Variants in FNIP1 observed in about 807,000 individuals in gnomAD.
The protein encoded by FNIP1 is folliculin-interacting protein 1.
A neutral mutation model predicts 124.5 loss-of-function variants in FNIP1; 40 were observed. That is an observed-to-expected ratio of 0.32 (90% CI 0.25 to 0.42). The LOEUF (loss-of-function observed/expected upper bound fraction) is 0.42, where lower values mean the gene tolerates loss of function less well. FNIP1 is among the 10% of genes least tolerant of loss of function. The pLI is 1.00. For synonymous variants in FNIP1, 472 were observed against 470.6 expected, an observed-to-expected ratio of 1.00 and a Z score of -0.04; for missense variants, 1,176 against 1,403.7, an observed-to-expected ratio of 0.84 and a Z score of 2.59.
chr5:131,733,937 C>A (rs1303524115), intron 2 of FNIP1, among the ~76,000 whole-genome samples: 1 of 152,206 alleles, frequency 6.6e-6, no homozygotes, highest in South Asian at 2.1e-4. Context: ...TGGTAGAATT[C>A]GGCTGTGAAT....
chr5:131,652,450 G>T lies in FNIP1; in HGVS notation c.3109-451C>A, dbSNP rs189245402. 4.8e-3 allele frequency among the ~76,000 whole-genome samples: 727 copies of T among 152,264 alleles called. 5 individuals are homozygous for T. Among genetic ancestry groups the T allele is most frequent in the African/African-American group, 0.017 (690 of 41,546 alleles). Reference sequence around the variant, plus strand: ...GCTCACTGCAACCTCCGCCTCCCAGGTTCAAGCCATTCCCCTGCCTCAGCC... The same window carrying T: ...GCTCACTGCAACCTCCGCCTCCCAGTTTCAAGCCATTCCCCTGCCTCAGCC... On this transcript the variant is annotated intron_variant, in intron 15 of 17. Coordinates refer to ENST00000510461, the MANE Select transcript of FNIP1 (RefSeq NM_133372.3).
At chr5:131,779,883 T>C (rs1159019851) in intron 1 of FNIP1, among the ~76,000 whole-genome samples, 1 of 151,930 alleles carries the variant, frequency 6.6e-6, no homozygotes, top group African/African-American at 2.4e-5. Context: ...GCTCTTTACA[T>C]TTTTGTTAGA....
chr5:131,697,154 G>C (rs1414808824), intron 11 of FNIP1, among the ~76,000 whole-genome samples: 1 of 151,966 alleles, frequency 6.6e-6, no homozygotes, highest in Non-Finnish European at 1.5e-5. Context: ...CAATCTAGAA[G>C]ATCCCTGCCC....
At chr5:131,773,570 T>C (rs1048904857) in intron 1 of FNIP1, among the ~76,000 whole-genome samples, 2 of 152,246 alleles carry the variant, frequency 1.3e-5, no homozygotes, top group East Asian at 1.9e-4. Flanking sequence ...ATAGGAATCA[T>C]AGATAGTTTC....
At chr5:131,655,744 TA>T (rs1384798855) in intron 15 of FNIP1, among the ~76,000 whole-genome samples, 1 of 81,728 alleles carries the variant, frequency 1.2e-5, no homozygotes, top group Non-Finnish European at 2.6e-5. Context: ...TCGTCTCTAC[TA>T]AAAATACAAA....
intron 11 of FNIP1, among the ~76,000 whole-genome samples, chr5:131,692,490 A>G (rs1229572395): frequency 6.6e-6 from 1 of 152,210 alleles, no homozygotes; most frequent in Non-Finnish European, 1.5e-5. Flanking sequence ...AAGTTGATCC[A>G]TAGATTCAAC....
intron 1 of FNIP1, among the ~76,000 whole-genome samples, chr5:131,763,969 C>CTA (rs1387423244): frequency 6.6e-6 from 1 of 152,094 alleles, no homozygotes; most frequent in Non-Finnish European, 1.5e-5. Flanking sequence ...AGGGAGGTGA[C>CTA]TGGATGATGG....
intron 1 of FNIP1, among the ~76,000 whole-genome samples, chr5:131,753,143 G>A (rs947819052): frequency 2.0e-5 from 3 of 152,002 alleles, no homozygotes; most frequent in Admixed American, 6.6e-5. Context: ...AAACTGACAC[G>A]ACTAATAACA....
intron 3 of FNIP1, among the ~76,000 whole-genome samples, chr5:131,724,209 C>T (rs1477576948): frequency 6.6e-6 from 1 of 152,070 alleles, no homozygotes; most frequent in East Asian, 1.9e-4. Context: ...ATTTATAATC[C>T]TTTGGGTACA....
At chr5:131,681,873 A>G (rs1432457895) in intron 11 of FNIP1, among the ~76,000 whole-genome samples, 1 of 152,078 alleles carries the variant, frequency 6.6e-6, no homozygotes, top group East Asian at 1.9e-4. Context: ...TACTGAGACC[A>G]TAAAGGACCA....
intron 3 of FNIP1, among the ~76,000 whole-genome samples, chr5:131,720,307 A>G (rs1195826131): frequency 6.6e-6 from 1 of 152,230 alleles, no homozygotes; most frequent in Non-Finnish European, 1.5e-5. Flanking sequence ...ATGCGAAAGA[A>G]TAAAACTGGT....
In FNIP1 at chr5:131,677,840, G is replaced by C. The variant is rs925395783; in HGVS notation, c.1382C>G (p.Thr461Ser). The change falls in exon 13 of 18, where the codon ACC becomes AGC. Residue 461 changes from threonine to serine, a missense_variant. Coordinates refer to ENST00000510461, the MANE Select transcript of FNIP1 (RefSeq NM_133372.3). ...FLPALITAVL[T>S]NHLAWVPTVM... ...TGTTGGAACCCAGGCAAGATGATTG[G>C]TCAGAACTGCAGTAATGAGAGCTGG... The C allele has an allele frequency of 1.9e-5, 31 of 1,614,042 alleles. No individual in the cohort carries two copies. The highest frequency in any genetic ancestry group is 2.5e-5 in the Non-Finnish European group (29 of 1,179,962).
chr5:131,785,400 C>T (rs1186939719), intron 1 of FNIP1, among the ~76,000 whole-genome samples: 1 of 151,450 alleles, frequency 6.6e-6, no homozygotes, highest in Non-Finnish European at 1.5e-5. Context: ...ACTAAAAATA[C>T]AAAAATTGGC....
rs763829424 is a variant in FNIP1, at chr5:131,796,849, C to T, written c.73G>A (p.Asp25Asn). The change falls in exon 1 of 18, where the codon GAC becomes AAC. Residue 25 changes from aspartate (D) to asparagine (N), a missense_variant. Physicochemically the swap from Asp to Asn is conservative, Grantham distance 23. This residue lies in a region of FNIP1 where 1,109 missense variants were observed against 1,288.5 expected (regional missense o/e 0.86). Coordinates refer to ENST00000510461, the MANE Select transcript of FNIP1 (RefSeq NM_133372.3). ...GLGAPGRDAR[D>N]PDCGFSWPLP... The stretch of plus-strand genomic sequence containing the variant: ...CCCTACCTGAACCCGCAATCTGGGT[C>T]CCGGGCGTCGCGGCCGGGCGCGCCC... The T allele has an allele frequency of 1.3e-6, 2 of 1,599,952 alleles. No homozygotes were observed. Among genetic ancestry groups the T allele is most frequent in the Middle Eastern group, 1.7e-4 (1 of 5,952 alleles).
chr5:131,691,126 A>C (rs1301192943), intron 11 of FNIP1, among the ~76,000 whole-genome samples: 1 of 152,240 alleles, frequency 6.6e-6, no homozygotes, highest in Non-Finnish European at 1.5e-5. Flanking sequence ...ACACCTTAGC[A>C]AATTTAAAAT....
chr5:131,699,937 A>G (rs1437536141), intron 10 of FNIP1, among the ~76,000 whole-genome samples: 2 of 148,828 alleles, frequency 1.3e-5, no homozygotes, highest in East Asian at 2.0e-4. Flanking sequence ...AAAAAAAAAA[A>G]GGGAATATAA....
chr5:131,726,022 C>G lies in FNIP1; in HGVS notation c.354+4882G>C, dbSNP rs187116873. 6.6e-5 allele frequency among the ~76,000 whole-genome samples: 10 copies of G among 152,274 alleles called. No homozygotes were observed. The East Asian group carries it at 1.9e-3, about 29-fold the overall frequency. Reference sequence around the variant, plus strand: ...TATTGATTTGCATATGTTGAACCAGCCTTGCATCCCAGGGACAAAGGCGAC... The same window carrying G: ...TATTGATTTGCATATGTTGAACCAGGCTTGCATCCCAGGGACAAAGGCGAC... On this transcript the variant is annotated intron_variant, in intron 3 of 17. Coordinates refer to ENST00000510461, the MANE Select transcript of FNIP1 (RefSeq NM_133372.3).
chr5:131,658,995 C>A (rs1475833098), intron 15 of FNIP1, among the ~76,000 whole-genome samples: 1 of 145,634 alleles, frequency 6.9e-6, no homozygotes, highest in Non-Finnish European at 1.5e-5. Context: ...GTTTTCTGCA[C>A]AAGTTAGGTT....
intron 8 of FNIP1, 142 bp from the exon 9 acceptor site, chr5:131,706,688 T>C: frequency 1.2e-6 from 1 of 859,364 alleles, no homozygotes; most frequent in Non-Finnish European, 1.7e-6. Flanking sequence ...AAAGAACACA[T>C]CCTTCTTGTA....
Sources: gnomAD v4.1 joint callset for allele counts (sites outside exome capture counted in the v4.1 genomes callset) on GRCh38, gnomAD v4.1.1 for gene constraint, gnomAD v4.1.1 regional missense constraint, MANE v1.5 for transcripts, NCBI Gene and HGNC (gene_info 2026-07-23, HGNC 2026-07-21) for gene names.